PAPOLG: variants seen among roughly 807,000 people sequenced by gnomAD.
PAPOLG encodes PAP-gamma.
In PAPOLG, 40 loss-of-function variants were observed where a neutral mutation model predicts 99.0. The observed-to-expected ratio is 0.40, with a 90% confidence interval of 0.31 to 0.53. The LOEUF is 0.53. PAPOLG is among the 20% of genes least tolerant of loss of function. The pLI is 0.41. For missense variants in PAPOLG, 675 were observed against 884.1 expected (o/e 0.76, Z 3.00); for synonymous variants, 310 against 299.3 (o/e 1.04, Z -0.37).
intron 8 of PAPOLG, among the ~76,000 whole-genome samples, chr2:60,777,897 T>C (rs1671070345): frequency 6.6e-6 from 1 of 152,158 alleles, no homozygotes; most frequent in Non-Finnish European, 1.5e-5. Flanking sequence ...ACAATTACAA[T>C]AGTAACATCA....
intron 21 of PAPOLG, 138 bp downstream of exon 21, chr2:60,795,158 A>T: frequency 1.4e-6 from 1 of 732,178 alleles, no homozygotes; most frequent in South Asian, 1.7e-5. Context: ...CTAGCAGTGT[A>T]GTTGGGGTTG....
chr2:60,791,622 T>G, intron 15 of PAPOLG, 139 bp from the exon 16 acceptor site: 1 of 943,288 alleles, frequency 1.1e-6, no homozygotes, highest in South Asian at 1.9e-5. Context: ...AAATATTTGT[T>G]TTGTGAGAGG....
At chr2:60,770,233 T>TA (rs1397247976) in intron 5 of PAPOLG, among the ~76,000 whole-genome samples, 3 of 152,242 alleles carry the variant, frequency 2.0e-5, no homozygotes, top group Admixed American at 1.3e-4. Context: ...TAGAAATACT[T>TA]ACCTGGAATG....
chr2:60,757,049 A>C (rs1670367890), intron 1 of PAPOLG, among the ~76,000 whole-genome samples: 1 of 151,084 alleles, frequency 6.6e-6, no homozygotes, highest in African/African-American at 2.4e-5. Context: ...TCTTGTTCAC[A>C]CTTTGATAAG....
intron 13 of PAPOLG, 148 bp from the exon 14 acceptor site, chr2:60,786,799 G>A (rs1671376509): frequency 3.7e-6 from 3 of 818,480 alleles, no homozygotes; most frequent in African/African-American, 1.8e-5. Context: ...CAAAGTGCTG[G>A]GAGTACAGAT....
chr2:60,794,622 A>G, intron 19 of PAPOLG, 88 bp from the exon 20 acceptor site: 1 of 1,095,200 alleles, frequency 9.1e-7, no homozygotes, highest in Non-Finnish European at 1.3e-6. Context: ...ATAATAGTGT[A>G]ACCAATAACT....
At chr2:60,788,337 T>C (rs1671429409) in intron 15 of PAPOLG, among the ~76,000 whole-genome samples, 1 of 152,092 alleles carries the variant, frequency 6.6e-6, no homozygotes, top group African/African-American at 2.4e-5. Context: ...TATTTTGTTT[T>C]AAGAGACAGA....
chr2:60,797,832 A>T lies in PAPOLG; in HGVS notation c.*672A>T, dbSNP rs554230166. 6.5e-6 allele frequency: 1 copy of T among 152,802 alleles called. No homozygotes were observed. The highest frequency in any genetic ancestry group is 1.5e-5 in the Non-Finnish European group (1 of 68,044). The allele number at this position is 152,802 out of a possible 1,614,324, so 9.5% of individuals were successfully genotyped here. ...CAGGGAAGATTAGTCCAGTGATTAC[A>T]TAAGAGTTGGGCACCATAAATTCTC... is the stretch of plus-strand genomic sequence containing the variant. On this transcript the variant is annotated 3_prime_UTR_variant, in exon 22 of 22. Transcript: ENST00000238714.
At chr2:60,774,239 T>C (rs1444199671) in intron 7 of PAPOLG, among the ~76,000 whole-genome samples, 3 of 152,116 alleles carry the variant, frequency 2.0e-5, no homozygotes, top group Non-Finnish European at 4.4e-5. Context: ...CCTGCAGTTT[T>C]ATCCACTGTT....
intron 13 of PAPOLG, among the ~76,000 whole-genome samples, chr2:60,785,456 A>G (rs1297444806): frequency 1.3e-5 from 2 of 152,104 alleles, no homozygotes; most frequent in Non-Finnish European, 2.9e-5. Context: ...TTTTAAATGC[A>G]AAGTCAAGCA....
chr2:60,760,332 A>C, intron 2 of PAPOLG, 37 bp downstream of exon 2: 1 of 1,542,994 alleles, frequency 6.5e-7, no homozygotes, highest in South Asian at 1.1e-5. Flanking sequence ...TTGACAGTGC[A>C]TTATTTAATC....
At position 60,771,542 on chromosome 2, in the gene PAPOLG, G is replaced by T. The variant is rs992872657; in HGVS notation, c.516G>T (p.Leu172=). Residue 172 remains leucine (L), a synonymous_variant, in exon 7 of 22, where the codon CTG becomes CTT. Transcript: ENST00000238714. ...AGATTGATCTAGTCTTTGCAAGACT[G>T]GCAATACAAACCATATCAGATAATT... ...GIEIDLVFAR[L]AIQTISDNLD... 1 of 1,596,660 alleles carries T rather than the reference G, an allele frequency of 6.3e-7. No homozygotes were observed. The highest frequency in any genetic ancestry group is 8.5e-7 in the Non-Finnish European group (1 of 1,175,292).
chr2:60,771,445 T>G, intron 6 of PAPOLG, 74 bp from the exon 7 acceptor site: 5 of 1,467,524 alleles, frequency 3.4e-6, no homozygotes, highest in Non-Finnish European at 4.5e-6. Flanking sequence ...TTTCACATTT[T>G]TTGGTGGGAT....
intron 15 of PAPOLG, among the ~76,000 whole-genome samples, chr2:60,790,829 C>T (rs1369838423): frequency 6.6e-6 from 1 of 152,192 alleles, no homozygotes; most frequent in Admixed American, 6.5e-5. Context: ...TGGTTCACAC[C>T]TGTAATCCCA....
At chr2:60,773,673 T>G (rs550434545) in intron 7 of PAPOLG, among the ~76,000 whole-genome samples, 18 of 149,526 alleles carry the variant, frequency 1.2e-4, no homozygotes, top group Non-Finnish European at 2.4e-4. Flanking sequence ...ATGTTCCAAA[T>G]GTTAATACAC....
intron 12 of PAPOLG, 79 bp from the exon 13 acceptor site, chr2:60,783,077 G>A (rs1043098285): frequency 6.2e-6 from 8 of 1,299,736 alleles, no homozygotes; most frequent in South Asian, 3.3e-5. Flanking sequence ...GAGAGGGAGG[G>A]AAAAAAGGGG....
chr2:60,763,091 T>A (rs535243240), intron 3 of PAPOLG, among the ~76,000 whole-genome samples: 33 of 150,980 alleles, frequency 2.2e-4, no homozygotes, highest in African/African-American at 4.9e-5. Context: ...ATTTTTTTTT[T>A]ATAGACAGGA....
intron 1 of PAPOLG, among the ~76,000 whole-genome samples, chr2:60,757,117 A>G (rs985446714): frequency 1.3e-5 from 2 of 152,120 alleles, no homozygotes; most frequent in African/African-American, 4.8e-5. Flanking sequence ...ATTTTGGTCT[A>G]TTAGGAAATA....
At chr2:60,791,961 C>A in intron 16 of PAPOLG, 79 bp downstream of exon 16, 1 of 1,516,606 alleles carries the variant, frequency 6.6e-7, no homozygotes, top group Non-Finnish European at 8.9e-7. Context: ...TCTACAGCTC[C>A]CAAACCTATT....
Sources: allele counts gnomAD v4.1 joint callset (sites outside exome capture counted in the v4.1 genomes callset), GRCh38; gene constraint gnomAD v4.1.1; transcripts MANE v1.5; gene names NCBI Gene and HGNC (gene_info 2026-07-23, HGNC 2026-07-21).